Variants in ZDHHC23 observed in about 807,000 individuals in gnomAD.
ZDHHC23 encodes palmitoyltransferase ZDHHC23.
A neutral mutation model predicts 40.2 loss-of-function variants in ZDHHC23; 41 were observed. The observed-to-expected ratio is 1.02, with a 90% CI of 0.79 to 1.32. ZDHHC23 has a LOEUF of 1.32. Among genes scored for constraint, ZDHHC23 ranks in the 40% most tolerant of loss-of-function variants. ZDHHC23 has a pLI of 0.00. For missense variants in ZDHHC23, 471 were observed against 541.5 expected (o/e 0.87, Z 1.29); for synonymous variants, 204 against 210.2 (o/e 0.97, Z 0.26).
rs562927696 is a variant in ZDHHC23, at chr3:113,960,535, G to A, written c.*1905G>A. 1.7e-5 allele frequency: 24 copies of A among 1,424,384 alleles called. No homozygotes were observed. The South Asian group carries it at 2.6e-4, about 16-fold the overall frequency. 88.2% of individuals were successfully genotyped at this position (1,424,384 alleles called of 1,614,324 possible). ...GAATGTCAGCTGTAGAGCCAACTCT[G>A]ATTATCTAGCCATTGATCATACAAA... On this transcript the variant is annotated 3_prime_UTR_variant, in exon 5 of 5. Transcript: ENST00000638807.
Position 113,960,665 on chromosome 3 carries a change from A to G in ZDHHC23, c.*2035A>G. On this transcript the variant is annotated 3_prime_UTR_variant, in exon 5 of 5. Transcript: ENST00000638807. ...ATAAGTAGTACAAAGAGACCAAAAT[A>G]ATTTGGGAGAATTAGGAATGATGAC... The G allele has an allele frequency of 1.2e-6, 2 of 1,607,084 alleles. No homozygotes were observed. Among genetic ancestry groups the G allele is most frequent in the South Asian group, 1.1e-5 (1 of 89,802 alleles).
In ZDHHC23 at chr3:113,953,739, A is replaced by G. The variant is rs1222831485; in HGVS notation, c.201A>G (p.Glu67=). The G allele has an allele frequency of 1.2e-6, 2 of 1,614,148 alleles. No homozygotes were observed. Among genetic ancestry groups the G allele is most frequent in the Non-Finnish European group, 1.7e-6 (2 of 1,180,018 alleles). The change falls in exon 3 of 5, where the codon GAA becomes GAG. Residue 67 remains glutamate, a synonymous_variant. Transcript: ENST00000638807. ...TCKSLQPETC[E]RIMDTISDRL... ...AATCTTTACAGCCAGAGACTTGTGA[A>G]AGAATCATGGATACAATTTCTGATC...
rs531029684 is a variant in ZDHHC23, at chr3:113,952,956, A to G, written c.162-744A>G. On this transcript the variant is annotated intron_variant, in intron 2 of 4. Coordinates refer to ENST00000638807, the MANE Select transcript of ZDHHC23 (RefSeq NM_001320466.2). Reference sequence around the variant, plus strand: ...ACTCTTGCATTGGGGATTGGGTTTCAGCATATGAATTTTGGGGGCATAAAC... The same window carrying G: ...ACTCTTGCATTGGGGATTGGGTTTCGGCATATGAATTTTGGGGGCATAAAC... Among the ~76,000 whole-genome samples the G allele has an allele frequency of 6.6e-5, 10 of 152,334 alleles. No individual in the cohort carries two copies. The South Asian group carries it at 2.1e-3, about 32-fold the overall frequency.
Position 113,958,888 on chromosome 3 carries a change from A to G in ZDHHC23, c.*258A>G, listed in dbSNP as rs1202066628. On this transcript the variant is annotated 3_prime_UTR_variant, in exon 5 of 5. Coordinates refer to ENST00000638807, the MANE Select transcript of ZDHHC23 (RefSeq NM_001320466.2). ...ACTCAGTTGCCTGAACTTGAGAAGG[A>G]TGTGGATTGCTAATGCACAAATTGA... is the stretch of plus-strand genomic sequence containing the variant. 2 of 1,295,488 alleles carry G rather than the reference A, an allele frequency of 1.5e-6. No homozygotes were observed. The highest frequency in any genetic ancestry group is 2.0e-6 in the Non-Finnish European group (2 of 999,832). 80.2% of individuals were successfully genotyped at this position (1,295,488 alleles called of 1,614,324 possible). A position where few individuals can be genotyped will look rare whatever the true frequency, so the allele number is the denominator to read the frequency against.
the ZDHHC23 span, chr3:113,978,261 G>A: frequency 6.2e-7 from 1 of 1,613,894 alleles, no homozygotes; most frequent in Non-Finnish European, 8.5e-7. Flanking sequence ...GTTAAACCAG[G>A]CCCTGAAAAT....
At chr3:113,973,776 G>A in the ZDHHC23 span, among the ~76,000 whole-genome samples, 2 of 151,748 alleles carry the variant, frequency 1.3e-5, no homozygotes, top group Admixed American at 6.6e-5. Context: ...GAGAGTTTAG[G>A]TCAAATCTGT....
chr3:113,966,303 A>G (rs888096868), downstream of ZDHHC23, among the ~76,000 whole-genome samples: 13 of 152,234 alleles, frequency 8.5e-5, no homozygotes, highest in Middle Eastern at 3.2e-3. Flanking sequence ...GTGCTGTCAC[A>G]GGGAAGCATG....
downstream of ZDHHC23, chr3:113,965,306 T>G (rs755984112): frequency 5.6e-6 from 9 of 1,610,836 alleles, no homozygotes; most frequent in Non-Finnish European, 7.6e-6. Context: ...TCTTTCCTCT[T>G]TCATAAATTT....
chr3:113,974,908 T>G, the ZDHHC23 span, among the ~76,000 whole-genome samples: 2 of 152,194 alleles, frequency 1.3e-5, no homozygotes, highest in Admixed American at 6.5e-5. Context: ...TCTACTAAAT[T>G]ATGAGCACCA....
chr3:113,959,152 A>T lies in ZDHHC23; in HGVS notation c.*522A>T. ...CTAAAAAACAACTCAAGAGCCATGG[A>T]AATACAAAGTATTAGGAAAATATTA... On this transcript the variant is annotated 3_prime_UTR_variant, in exon 5 of 5. Transcript: ENST00000638807. 1 of 1,057,750 alleles carries T rather than the reference A, an allele frequency of 9.5e-7. No individual in the cohort carries two copies. Among genetic ancestry groups the T allele is most frequent in the Non-Finnish European group, 1.2e-6 (1 of 864,418 alleles). The allele number at this position is 1,057,750 out of a possible 1,614,324, so 65.5% of individuals were successfully genotyped here.
downstream of ZDHHC23, among the ~76,000 whole-genome samples, chr3:113,965,985 G>A (rs896869519): frequency 3.3e-5 from 5 of 152,056 alleles, no homozygotes; most frequent in Admixed American, 6.6e-5. Flanking sequence ...CCCAAGCTAC[G>A]AGGCACACTC....
rs1276709932 is a variant in ZDHHC23, at chr3:113,958,660, G to A, written c.*30G>A. The A allele has an allele frequency of 6.3e-7, 1 of 1,593,518 alleles. No individual in the cohort carries two copies. Among genetic ancestry groups the A allele is most frequent in the Admixed American group, 1.7e-5 (1 of 59,266 alleles). On this transcript the variant is annotated 3_prime_UTR_variant, in exon 5 of 5. Transcript: ENST00000638807. ...CCTTCTATGTGGCTCTCTGAGGGAT[G>A]ATGGCTCCTCCTTCCGTCTCCCTTC...
At chr3:113,956,795 A>G (rs1194763284) in intron 4 of ZDHHC23, among the ~76,000 whole-genome samples, 1 of 29,422 alleles carries the variant, frequency 3.4e-5, no homozygotes, top group East Asian at 1.3e-3. Flanking sequence ...CATAGGCTCA[A>G]AAGTCGCAAC....
At chr3:113,949,030 A>G (rs568883750) in intron 2 of ZDHHC23, 67 bp downstream of exon 2, 13 of 1,581,954 alleles carry the variant, frequency 8.2e-6, no homozygotes, top group East Asian at 6.7e-5. Context: ...TGTACTTTCA[A>G]CCTAGCCACC....
chr3:113,961,627 G>A lies in ZDHHC23; in HGVS notation c.*2997G>A, dbSNP rs992333576. On this transcript the variant is annotated 3_prime_UTR_variant, in exon 5 of 5. Transcript: ENST00000638807. ...CATATGTGTTTGTGTTTAGGATATT[G>A]TAAATCTTTGCTAAGTAGTGTTTTC... 1.3e-5 allele frequency: 2 copies of A among 152,610 alleles called. No homozygotes were observed. The highest frequency in any genetic ancestry group is 4.8e-5 in the African/African-American group (2 of 41,458). The allele number at this position is 152,610 out of a possible 1,614,324, so 9.5% of individuals were successfully genotyped here. A position where few individuals can be genotyped will look rare whatever the true frequency, so the allele number is the denominator to read the frequency against.
At position 113,948,938 on chromosome 3, in the gene ZDHHC23, C is replaced by G; in HGVS notation, c.136C>G (p.Gln46Glu). 1 of 1,614,182 alleles carries G rather than the reference C, an allele frequency of 6.2e-7. No individual in the cohort carries two copies. The highest frequency in any genetic ancestry group is 2.2e-5 in the East Asian group (1 of 44,884). The part of the protein sequence containing the change: ...NHVATCLCDC[Q>E]DLDEGCDRWI... ...CGTGGCTACTTGTTTGTGTGATTGTCAAGATCTGGATGAAGGGTGTGATCG... is the reference window on the plus strand; with the variant it reads ...CGTGGCTACTTGTTTGTGTGATTGTGAAGATCTGGATGAAGGGTGTGATCG... The change falls in exon 2 of 5, where the codon CAA becomes GAA. Residue 46 changes from glutamine to glutamate, a missense_variant. By Grantham distance (29) the Gln-to-Glu change is conservative (BLOSUM62 2). Around this residue, in one of 3 missense-constraint regions of ZDHHC23, gnomAD observed 83 missense variants for 67.8 expected, o/e 1.22. Coordinates refer to ENST00000638807, the MANE Select transcript of ZDHHC23 (RefSeq NM_001320466.2).
At chr3:113,949,330 C>G (rs1215265983) in intron 2 of ZDHHC23, among the ~76,000 whole-genome samples, 2 of 152,188 alleles carry the variant, frequency 1.3e-5, no homozygotes, top group Non-Finnish European at 2.9e-5. Context: ...TCAGAGGTCT[C>G]AGCATTTAGA....
At chr3:113,955,881 T>C (rs1292265992) in intron 3 of ZDHHC23, among the ~76,000 whole-genome samples, 2 of 152,202 alleles carry the variant, frequency 1.3e-5, no homozygotes, top group Admixed American at 6.5e-5. Flanking sequence ...AGGGTGCAAG[T>C]TTTTAATTCC....
At chr3:113,963,897 C>T (rs6809347), downstream of ZDHHC23, among the ~76,000 whole-genome samples, 55,864 of 150,788 alleles carry the variant, frequency 0.37, 10,747 homozygotes, top group Admixed American at 0.48. Flanking sequence ...CTTTTAGTTA[C>T]ATTTTCTTTA....
Sources: gnomAD v4.1 joint callset for allele counts (sites outside exome capture counted in the v4.1 genomes callset) on GRCh38, gnomAD v4.1.1 for gene constraint, gnomAD v4.1.1 regional missense constraint, MANE v1.5 for transcripts, NCBI Gene and HGNC (gene_info 2026-07-23, HGNC 2026-07-21) for gene names.